The following ATP6V0A4 variants were observed in gnomAD, a reference collection of about 807,000 sequenced individuals.
The protein encoded by ATP6V0A4 is V-type proton ATPase 116 kDa subunit a 4.
A neutral mutation model predicts 107.3 loss-of-function variants in ATP6V0A4; 86 were observed. That is an observed-to-expected ratio of 0.80 (90% CI 0.67 to 0.96). The LOEUF (loss-of-function observed/expected upper bound fraction) is 0.96. Ranked by LOEUF, ATP6V0A4 falls within the 40% of genes least tolerant of loss-of-function variation. The pLI is 0.00. For synonymous variants in ATP6V0A4, 353 were observed against 381.4 expected, an observed-to-expected ratio of 0.93 and a Z score of 0.87; for missense variants, 908 against 1,045.6, an observed-to-expected ratio of 0.87 and a Z score of 1.81.
intron 1 of ATP6V0A4, among the ~76,000 whole-genome samples, chr7:138,794,436 C>A (rs902544821): frequency 6.6e-6 from 1 of 152,164 alleles, no homozygotes; most frequent in East Asian, 1.9e-4. Context: ...CCACAGACTG[C>A]AGGTTTTCCA....
chr7:138,741,086 G>A (rs1263721043), intron 14 of ATP6V0A4, among the ~76,000 whole-genome samples: 1 of 152,134 alleles, frequency 6.6e-6, no homozygotes, highest in Non-Finnish European at 1.5e-5. Flanking sequence ...GGAGGTTGCA[G>A]TGAGCCAAGA....
Position 138,747,433 on chromosome 7 carries a change from C to T in ATP6V0A4, c.1312G>A (p.Asp438Asn). ...NERRLLSQKT[D>N]NEIWNTFFHG... ...GGTCAATGGACACTCACCTCATTGT[C>T]TGTCTTCTGGGAGAGCAAGCGTCTC... The change falls in exon 13 of 22, where the codon GAC becomes AAC. Residue 438 changes from aspartate to asparagine, a missense_variant. Physicochemically the swap from Asp to Asn is conservative, Grantham distance 23 (BLOSUM62 1). Transcript: ENST00000310018. 3.7e-6 allele frequency: 6 copies of T among 1,614,146 alleles called. No homozygotes were observed. Among genetic ancestry groups the T allele is most frequent in the Non-Finnish European group, 5.1e-6 (6 of 1,180,014 alleles).
At chr7:138,735,096 A>G (rs1275420045) in intron 15 of ATP6V0A4, among the ~76,000 whole-genome samples, 1 of 152,072 alleles carries the variant, frequency 6.6e-6, no homozygotes, top group Non-Finnish European at 1.5e-5. Flanking sequence ...TCCTGCCCCA[A>G]ATGATATCGA....
At chr7:138,730,931 C>CTTCTTTTTTTTT (rs1554392929) in intron 17 of ATP6V0A4, among the ~76,000 whole-genome samples, 1 of 123,760 alleles carries the variant, frequency 8.1e-6, no homozygotes, top group African/African-American at 3.1e-5. Context: ...TCTTCTTCTT[C>CTTCTTTTTTTTT]TTTTTTTATT....
intron 2 of ATP6V0A4, among the ~76,000 whole-genome samples, chr7:138,775,465 A>G (rs1396975973): frequency 1.3e-5 from 2 of 151,994 alleles, no homozygotes; most frequent in East Asian, 3.9e-4. Flanking sequence ...CAAGTTTCCT[A>G]GATTGTCTGT....
intron 1 of ATP6V0A4, among the ~76,000 whole-genome samples, chr7:138,787,932 G>A (rs1303540458): frequency 6.6e-6 from 1 of 152,108 alleles, no homozygotes; most frequent in Non-Finnish European, 1.5e-5. Flanking sequence ...CCTAGGAGGT[G>A]GAGGCTACAG....
intron 18 of ATP6V0A4, among the ~76,000 whole-genome samples, chr7:138,725,455 C>G (rs1427696398): frequency 6.6e-6 from 1 of 152,108 alleles, no homozygotes; most frequent in Non-Finnish European, 1.5e-5. Flanking sequence ...ACTGACAGTC[C>G]TGGAGGTCAG....
At position 138,762,435 on chromosome 7, in the gene ATP6V0A4, C is replaced by T. The variant is rs587776617; in HGVS notation, c.418-1G>A. ...AATCATCAGCTAAATTGGTTTCCGT[C>T]TGAAAGTCAAAGCACTATGATTTTC... On this transcript the variant is annotated splice_acceptor_variant, in intron 6 of 21. Coordinates refer to ENST00000310018, the MANE Select transcript of ATP6V0A4 (RefSeq NM_020632.3). LOFTEE classifies it high-confidence loss of function. 1 of 1,614,088 alleles carries T rather than the reference C, an allele frequency of 6.2e-7. No individual in the cohort carries two copies.
rs374114963 is a variant in ATP6V0A4, at chr7:138,706,848, G to A, written c.2430-131C>T. 41 of 1,471,986 alleles carry A rather than the reference G, an allele frequency of 2.8e-5. No individual in the cohort carries two copies. The East Asian group carries it at 3.5e-4, about 13-fold the overall frequency. The allele number at this position is 1,471,986 out of a possible 1,614,324, so 91.2% of individuals were successfully genotyped here. Reference sequence around the variant, plus strand: ...GCACAAAGTCAGAAGGGTTGGCCACGGCAGGCACCCAGGCTGATGGCTGCC... The same window carrying A: ...GCACAAAGTCAGAAGGGTTGGCCACAGCAGGCACCCAGGCTGATGGCTGCC... On this transcript the variant is annotated intron_variant, in intron 21 of 21. Transcript: ENST00000310018.
In ATP6V0A4 at chr7:138,759,691, G is replaced by A. The variant is rs73730502; in HGVS notation, c.639+61C>T. 1.7e-3 allele frequency: 2,606 copies of A among 1,575,438 alleles called. 36 individuals are homozygous for A. The African/African-American group carries it at 0.03, about 18-fold the overall frequency. ...ATCCCCCATGTTTTGGGAGAACGAA[G>A]CGCTTCTGCTGAGGGCTATGGGAAG... On this transcript the variant is annotated intron_variant, in intron 8 of 21. Coordinates refer to ENST00000310018, the MANE Select transcript of ATP6V0A4 (RefSeq NM_020632.3).
rs1804444271 is a variant in ATP6V0A4 at position 138,721,958 on chromosome 7, C to T, written c.2078G>A (p.Ser693Asn). Residue 693 changes from serine to asparagine, a missense_variant, in exon 19 of 22, where the codon AGC becomes AAC. By Grantham distance (46) the Ser-to-Asn change is conservative. Transcript: ENST00000310018. ...TGCAGAAGTCCTCTGGCCAGAACGG[C>T]TAGAAGGGCTGGAGCTATCACCTTC... Reference protein sequence around the residue: ...NIEGDSSSPSSRSGQRTSADT... With the variant: ...NIEGDSSSPSNRSGQRTSADT... 6.2e-7 allele frequency: 1 copy of T among 1,614,062 alleles called. No homozygotes were observed. The highest frequency in any genetic ancestry group is 1.1e-5 in the South Asian group (1 of 91,088).
At chr7:138,769,385 G>T in intron 3 of ATP6V0A4, 134 bp from the exon 4 acceptor site, 1 of 1,377,724 alleles carries the variant, frequency 7.3e-7, no homozygotes, top group Non-Finnish European at 9.6e-7. Context: ...CGCGATCTCA[G>T]CTCACTGTAA....
chr7:138,781,837 CTCTCTCTTT>C (rs1807937061), intron 2 of ATP6V0A4, among the ~76,000 whole-genome samples: 1 of 67,296 alleles, frequency 1.5e-5, no homozygotes, highest in Admixed American at 1.8e-4. Flanking sequence ...CTCTGTCTCT[CTCTCTCTTT>C]TTTTTTTTTT....
intron 17 of ATP6V0A4, among the ~76,000 whole-genome samples, chr7:138,730,768 C>G (rs1197419194): frequency 2.6e-5 from 4 of 152,094 alleles, no homozygotes; most frequent in Non-Finnish European, 5.9e-5. Context: ...AGTAAATGAA[C>G]CTTCAAAATA....
chr7:138,740,348 C>A (rs1805563636), intron 14 of ATP6V0A4, among the ~76,000 whole-genome samples: 1 of 151,698 alleles, frequency 6.6e-6, no homozygotes, highest in East Asian at 1.9e-4. Context: ...ACTCTAAAAA[C>A]ATGTAGCCCA....
At chr7:138,732,362 T>A (rs1323938404) in intron 17 of ATP6V0A4, among the ~76,000 whole-genome samples, 1 of 152,096 alleles carries the variant, frequency 6.6e-6, no homozygotes, top group African/African-American at 2.4e-5. Flanking sequence ...CCAACAAGAA[T>A]GGTTGGAGCC....
At chr7:138,750,092 A>G (rs1806147781) in intron 11 of ATP6V0A4, among the ~76,000 whole-genome samples, 1 of 152,168 alleles carries the variant, frequency 6.6e-6, no homozygotes, top group Admixed American at 6.5e-5. Context: ...AAGGCTGCCT[A>G]TCGCCTAAAG....
chr7:138,762,227 ATCCATGGGAAACAG>A (rs1806857717), intron 7 of ATP6V0A4, 99 bp downstream of exon 7: 1 of 1,357,776 alleles, frequency 7.4e-7, no homozygotes, highest in South Asian at 1.2e-5. Context: ...GAGGCTTTGC[ATCCATGGGAAACAG>A]TCCCCATTCC....
At chr7:138,789,222 G>A (rs7781108) in intron 1 of ATP6V0A4, among the ~76,000 whole-genome samples, 1 of 150,322 alleles carries the variant, frequency 6.7e-6, no homozygotes, top group Non-Finnish European at 1.5e-5. Context: ...TTTTTGGGGG[G>A]TTTTTTTTTG....
Sources: allele counts gnomAD v4.1 joint callset (sites outside exome capture counted in the v4.1 genomes callset), GRCh38; gene constraint gnomAD v4.1.1; transcripts MANE v1.5; gene names NCBI Gene and HGNC (gene_info 2026-07-23, HGNC 2026-07-21).